EXOC5: variants seen among roughly 807,000 people sequenced by gnomAD.
EXOC5 encodes SEC10-like 1.
EXOC5 carries 17 observed loss-of-function variants against 90.8 expected under a neutral mutation model. The ratio of observed to expected loss-of-function variants is 0.19; its 90% CI spans 0.13 to 0.28. EXOC5 has a LOEUF of 0.28. EXOC5 is among the 10% of genes least tolerant of loss of function. The probability of loss-of-function intolerance (pLI) is 1.00; values close to 1 mark genes in which losing one functional copy is unlikely to be tolerated. For missense variants in EXOC5, 569 were observed against 830.6 expected (o/e 0.69, Z 3.87); for synonymous variants, 260 against 270.0 (o/e 0.96, Z 0.36).
intron 5 of EXOC5, 80 bp downstream of exon 5, chr14:57,239,514 GA>G (rs1210437401): frequency 3.6e-5 from 31 of 852,516 alleles, no homozygotes; most frequent in South Asian, 1.0e-4. Flanking sequence ...AATGGGCAAA[GA>G]AAATCATACA....
At chr14:57,262,660 ATACAT>A (rs2139672124) in intron 1 of EXOC5, among the ~76,000 whole-genome samples, 1 of 146,938 alleles carries the variant, frequency 6.8e-6, no homozygotes, top group African/African-American at 2.5e-5. Flanking sequence ...ATATACATAT[ATACAT>A]AAGTGTATAT....
intron 15 of EXOC5, among the ~76,000 whole-genome samples, chr14:57,213,632 C>G (rs1015030011): frequency 6.6e-6 from 1 of 151,574 alleles, no homozygotes; most frequent in East Asian, 2.0e-4. Flanking sequence ...GGTCTCAGTT[C>G]GAGACTGAGC....
At chr14:57,215,748 T>C (rs1162278524) in intron 15 of EXOC5, among the ~76,000 whole-genome samples, 5 of 152,178 alleles carry the variant, frequency 3.3e-5, no homozygotes, top group Non-Finnish European at 7.3e-5. Flanking sequence ...GCTCAAAGCT[T>C]TTCCTCTAAC....
intron 1 of EXOC5, among the ~76,000 whole-genome samples, chr14:57,262,695 GTA>G (rs200507075): frequency 0.066 from 9,585 of 144,866 alleles, 453 homozygotes; most frequent in African/African-American, 0.13. Flanking sequence ...AAGTATATAT[GTA>G]TATATATATG....
intron 1 of EXOC5, among the ~76,000 whole-genome samples, chr14:57,255,410 C>A (rs940719540): frequency 1.3e-5 from 2 of 152,128 alleles, no homozygotes; most frequent in Non-Finnish European, 2.9e-5. Context: ...ACTCCACATA[C>A]CATATCACAC....
chr14:57,210,122 A>C, intron 15 of EXOC5, 61 bp from the exon 16 acceptor site: 2 of 716,922 alleles, frequency 2.8e-6, no homozygotes, highest in Non-Finnish European at 2.4e-6. Flanking sequence ...TTTATGTTTA[A>C]TTATATTATT....
chr14:57,214,847 A>G (rs79734739), intron 15 of EXOC5, among the ~76,000 whole-genome samples: 16 of 152,306 alleles, frequency 1.1e-4, no homozygotes, highest in Non-Finnish European at 2.2e-4. Context: ...AGATTGGCAT[A>G]AGATGAAGAG....
intron 9 of EXOC5, 135 bp from the exon 10 acceptor site, chr14:57,232,884 C>T: frequency 1.9e-6 from 1 of 524,810 alleles, no homozygotes; most frequent in Admixed American, 3.9e-5. Context: ...AAGGCAATTA[C>T]AGAAAACAAA....
intron 13 of EXOC5, among the ~76,000 whole-genome samples, chr14:57,220,495 G>A (rs192827015): frequency 5.4e-4 from 82 of 152,068 alleles, no homozygotes; most frequent in African/African-American, 1.8e-3. Flanking sequence ...GTCCAGCAGC[G>A]GCATAAGTTA....
intron 1 of EXOC5, among the ~76,000 whole-genome samples, chr14:57,262,568 A>G (rs1884535627): frequency 6.8e-6 from 1 of 147,904 alleles, no homozygotes; most frequent in African/African-American, 2.5e-5. Context: ...GTGTGTGTAT[A>G]TATATATACG....
At chr14:57,244,010 A>C in intron 4 of EXOC5, 155 bp downstream of exon 4, 2 of 580,368 alleles carry the variant, frequency 3.4e-6, no homozygotes, top group Non-Finnish European at 6.1e-6. Context: ...ATCTACAAGA[A>C]ACTGTATTAG....
rs569856635 is a variant in EXOC5, at chr14:57,246,632, T to G, written c.270+79A>C. 3.1e-6 allele frequency: 4 copies of G among 1,286,478 alleles called. No individual in the cohort carries two copies. In the Admixed American group the frequency reaches 8.2e-5, roughly 26 times the overall value. The allele number at this position is 1,286,478 out of a possible 1,614,324, so 79.7% of individuals were successfully genotyped here. A position where few individuals can be genotyped will look rare whatever the true frequency, so the allele number is the denominator to read the frequency against. On this transcript the variant is annotated intron_variant, in intron 3 of 17. Coordinates refer to ENST00000621441, the MANE Select transcript of EXOC5 (RefSeq NM_006544.4). The stretch of plus-strand genomic sequence containing the variant: ...ACAGTTACTATCATCTGACTAGACT[T>G]TTTTAAGAGCTTAAAACTGGAAGAA...
chr14:57,227,945 TACACACACACACACAC>T (rs60100460), intron 12 of EXOC5, among the ~76,000 whole-genome samples: 1 of 145,920 alleles, frequency 6.9e-6, no homozygotes, highest in Non-Finnish European at 1.5e-5. Flanking sequence ...CATATATATA[TACACACACACACACAC>T]ACACACACAC....
chr14:57,255,047 C>T (rs1302053529), intron 1 of EXOC5, among the ~76,000 whole-genome samples: 1 of 152,128 alleles, frequency 6.6e-6, no homozygotes. Flanking sequence ...AGAACATATA[C>T]CATGAAAGAG....
chr14:57,210,779 A>C (rs1395782835), intron 15 of EXOC5, among the ~76,000 whole-genome samples: 1 of 152,176 alleles, frequency 6.6e-6, no homozygotes. Flanking sequence ...CATGTCATTC[A>C]TACAGAGAAA....
chr14:57,254,812 C>T (rs1284452754), intron 1 of EXOC5, among the ~76,000 whole-genome samples: 2 of 152,118 alleles, frequency 1.3e-5, no homozygotes, highest in Non-Finnish European at 2.9e-5. Context: ...CAAAGTGAGA[C>T]GGTGGTGCCT....
intron 1 of EXOC5, among the ~76,000 whole-genome samples, chr14:57,254,613 G>A (rs886652985): frequency 2.0e-5 from 3 of 152,152 alleles, no homozygotes; most frequent in Non-Finnish European, 2.9e-5. Flanking sequence ...ACTATACAAT[G>A]AAAGAACTGT....
At chr14:57,259,163 G>A (rs901571294) in intron 1 of EXOC5, among the ~76,000 whole-genome samples, 5 of 150,950 alleles carry the variant, frequency 3.3e-5, no homozygotes, top group Admixed American at 3.3e-4. Flanking sequence ...AGTCTGCAAT[G>A]CAGTGGTACA....
intron 15 of EXOC5, among the ~76,000 whole-genome samples, chr14:57,210,967 T>G (rs566172261): frequency 5.9e-5 from 9 of 152,122 alleles, no homozygotes; most frequent in Admixed American, 5.9e-4. Flanking sequence ...ACAGAAGCAA[T>G]TGAGAGACCA....
Sources: allele counts gnomAD v4.1 joint callset (sites outside exome capture counted in the v4.1 genomes callset), GRCh38; gene constraint gnomAD v4.1.1; transcripts MANE v1.5; gene names NCBI Gene and HGNC (gene_info 2026-07-23, HGNC 2026-07-21).